The following CHD1 variants were observed in gnomAD, a reference collection of about 807,000 sequenced individuals.
CHD1 encodes ATP-dependent chromatin remodeler CHD1.
A neutral mutation model predicts 224.2 loss-of-function variants in CHD1; 36 were observed. That is an observed-to-expected ratio of 0.16 (90% CI 0.12 to 0.21). The LOEUF (loss-of-function observed/expected upper bound fraction) is 0.21. Among genes scored for constraint, CHD1 ranks in the 10% least tolerant of loss-of-function variants. The pLI, the probability that CHD1 is intolerant of heterozygous loss-of-function variation, is 1.00. For missense variants in CHD1, 1,378 were observed against 1,994.8 expected, an observed-to-expected ratio of 0.69 and a Z score of 5.89; for synonymous variants, 668 against 658.3, an observed-to-expected ratio of 1.01 and a Z score of -0.23.
Position 98,856,283 on chromosome 5 carries a change from T to C in CHD1, c.*97A>G. 1 of 805,076 alleles carries C rather than the reference T, an allele frequency of 1.2e-6. No individual in the cohort carries two copies. Among genetic ancestry groups the C allele is most frequent in the Non-Finnish European group, 2.0e-6 (1 of 493,726 alleles). The allele number at this position is 805,076 out of a possible 1,614,324, so 49.9% of individuals were successfully genotyped here. ...TAACAATACTGCTACTGATAGAAGA[T>C]CTGTTTATATCTTTCAAGTCATGTA... is the stretch of plus-strand genomic sequence containing the variant. On this transcript the variant is annotated 3_prime_UTR_variant, in exon 36 of 36. Coordinates refer to ENST00000614616, the MANE Select transcript of CHD1 (RefSeq NM_001270.4).
chr5:98,911,386 T>C (rs1011908855), intron 2 of CHD1, among the ~76,000 whole-genome samples: 3 of 151,698 alleles, frequency 2.0e-5, no homozygotes, highest in African/African-American at 7.3e-5. Context: ...TGTCAACTGG[T>C]AAGGGTATTA....
intron 29 of CHD1, 116 bp from the exon 30 acceptor site, chr5:98,869,998 T>TACAGCTTATTACC: frequency 1.4e-6 from 1 of 695,208 alleles, no homozygotes; most frequent in Non-Finnish European, 2.4e-6. Flanking sequence ...AGTCTATTGG[T>TACAGCTTATTACC]AATAAGCTGT....
At chr5:98,912,665 T>C (rs1173841706) in intron 2 of CHD1, among the ~76,000 whole-genome samples, 5 of 152,080 alleles carry the variant, frequency 3.3e-5, no homozygotes, top group African/African-American at 1.2e-4. Flanking sequence ...GGCAAGACTC[T>C]GTCTCAAAAA....
chr5:98,891,212 C>A (rs1228027583), intron 15 of CHD1, among the ~76,000 whole-genome samples: 1 of 152,006 alleles, frequency 6.6e-6, no homozygotes, highest in Non-Finnish European at 1.5e-5. Flanking sequence ...CAGCTGGGAC[C>A]ACATGCACCC....
At chr5:98,914,240 A>G (rs1342023633) in intron 2 of CHD1, among the ~76,000 whole-genome samples, 1 of 152,188 alleles carries the variant, frequency 6.6e-6, no homozygotes, top group Non-Finnish European at 1.5e-5. Flanking sequence ...AAGGGCAACC[A>G]CTAGTATTGG....
At chr5:98,926,798 T>C (rs1190787752) in intron 1 of CHD1, among the ~76,000 whole-genome samples, 1 of 151,992 alleles carries the variant, frequency 6.6e-6, no homozygotes, top group East Asian at 1.9e-4. Context: ...TTTTAGAGAC[T>C]AACTGCAACT....
At chr5:98,921,466 T>G (rs917085870) in intron 2 of CHD1, among the ~76,000 whole-genome samples, 6 of 152,202 alleles carry the variant, frequency 3.9e-5, no homozygotes, top group African/African-American at 1.2e-4. Flanking sequence ...TCAGTACGTC[T>G]GGGGCGAGGC....
intron 2 of CHD1, among the ~76,000 whole-genome samples, chr5:98,907,077 T>C (rs1286995438): frequency 6.6e-6 from 1 of 152,170 alleles, no homozygotes; most frequent in Non-Finnish European, 1.5e-5. Context: ...GCATAGCTAG[T>C]AAAAACTGCT....
chr5:98,903,939 G>T, intron 3 of CHD1, 31 bp from the exon 4 acceptor site: 1 of 1,383,632 alleles, frequency 7.2e-7, no homozygotes. Context: ...AGTGAATGAA[G>T]AAGTATTAAG....
chr5:98,928,253 G>A (rs1408837075), intron 1 of CHD1, among the ~76,000 whole-genome samples: 1 of 152,036 alleles, frequency 6.6e-6, no homozygotes, highest in African/African-American at 2.4e-5. Context: ...CTAAGTGCTA[G>A]CCATTCGCGG....
At chr5:98,896,640 G>C (rs191223721) in intron 11 of CHD1, among the ~76,000 whole-genome samples, 198 bp from the exon 12 acceptor site, 12 of 152,190 alleles carry the variant, frequency 7.9e-5, no homozygotes, top group African/African-American at 2.6e-4. Flanking sequence ...TGTAAGAAAA[G>C]TAAAAGGAGA....
chr5:98,927,218 A>G (rs888773253), intron 1 of CHD1, among the ~76,000 whole-genome samples: 6 of 152,214 alleles, frequency 3.9e-5, no homozygotes, highest in African/African-American at 4.8e-5. Context: ...TTTACGTAAA[A>G]AATTTGGGGC....
At chr5:98,889,823 T>C (rs1297120937) in intron 15 of CHD1, 4 of 152,018 alleles carry the variant, frequency 2.6e-5, no homozygotes, top group Non-Finnish European at 4.4e-5. Context: ...CCATGAACAC[T>C]CCATATTTTT....
At chr5:98,899,437 C>A (rs1176786462) in intron 8 of CHD1, 43 bp downstream of exon 8, 2 of 1,219,846 alleles carry the variant, frequency 1.6e-6, no homozygotes, top group Admixed American at 1.8e-5. Context: ...GTTTAGTAAT[C>A]TTTGAACTAT....
In CHD1 at chr5:98,888,141, G is replaced by A. The variant is rs753957067; in HGVS notation, c.2443C>T (p.Arg815Trp). The change falls in exon 17 of 36, where the codon CGG (arginine) becomes TGG (tryptophan). Residue 815 changes from arginine (R) to tryptophan (W), a missense_variant. By Grantham distance (101) the Arg-to-Trp change is moderately radical. This residue lies in a region of CHD1 where 57 missense variants were observed against 177.2 expected (regional missense o/e 0.32). Coordinates refer to ENST00000614616, the MANE Select transcript of CHD1 (RefSeq NM_001270.4). ...NRVLIFSQMV[R>W]MLDILAEYLK... is the part of the protein sequence containing the mutation. ...TATTCTGCAAGTATATCTAACATCC[G>A]CACCATTTGTGAAAAAATAAGAACT... 3.7e-6 allele frequency: 6 copies of A among 1,607,938 alleles called. No homozygotes were observed. Among genetic ancestry groups the A allele is most frequent in the Admixed American group, 1.7e-5 (1 of 59,760 alleles).
rs528757982 is a variant in CHD1, at chr5:98,899,307, A to G, written c.1085+173T>C. 2.0e-5 allele frequency among the ~76,000 whole-genome samples: 3 copies of G among 152,212 alleles called. No homozygotes were observed. In the South Asian group the frequency reaches 6.2e-4, roughly 32 times the overall value. Reference sequence around the variant, plus strand: ...TTTTCCCTCCGAATACTTTCAATCCATGGTTGGTTGAAACCAAGGATAGAG... The same window carrying G: ...TTTTCCCTCCGAATACTTTCAATCCGTGGTTGGTTGAAACCAAGGATAGAG... On this transcript the variant is annotated intron_variant, in intron 8 of 35. Coordinates refer to ENST00000614616, the MANE Select transcript of CHD1 (RefSeq NM_001270.4).
intron 5 of CHD1, among the ~76,000 whole-genome samples, chr5:98,902,359 A>G (rs1258150766): frequency 6.6e-6 from 1 of 152,126 alleles, no homozygotes; most frequent in African/African-American, 2.4e-5. Context: ...TCAAAGGCAA[A>G]TAGGAAAATA....
intron 25 of CHD1, 145 bp from the exon 26 acceptor site, chr5:98,873,868 A>G: frequency 1.7e-6 from 1 of 601,676 alleles, no homozygotes; most frequent in Non-Finnish European, 2.7e-6. Flanking sequence ...CAGGAAACAC[A>G]TAAAAACCAG....
chr5:98,887,860 A>G (rs1385676256), intron 17 of CHD1, among the ~76,000 whole-genome samples: 1 of 152,226 alleles, frequency 6.6e-6, no homozygotes, highest in Non-Finnish European at 1.5e-5. Flanking sequence ...GACAGAATTA[A>G]AAGAAAATAA....
Sources: gnomAD v4.1 joint callset for allele counts (sites outside exome capture counted in the v4.1 genomes callset) on GRCh38, gnomAD v4.1.1 for gene constraint, gnomAD v4.1.1 regional missense constraint, MANE v1.5 for transcripts, NCBI Gene and HGNC (gene_info 2026-07-23, HGNC 2026-07-21) for gene names.